Variants in GLIS1 observed in about 807,000 individuals in gnomAD.
The protein encoded by GLIS1 is zinc finger protein GLIS1.
Under a neutral mutation model 63.8 loss-of-function variants are expected in GLIS1, and 24 were observed. The ratio of observed to expected loss-of-function variants is 0.38; its 90% CI spans 0.27 to 0.53. The LOEUF is 0.53. Among genes scored for constraint, GLIS1 ranks in the 20% least tolerant of loss-of-function variants. The probability of loss-of-function intolerance (pLI) is 0.85; values close to 1 mark genes in which losing one functional copy is unlikely to be tolerated. For missense variants in GLIS1, 1,036 were observed against 1,074.1 expected (o/e 0.96, Z 0.50); for synonymous variants, 450 against 482.5 (o/e 0.93, Z 0.88).
chr1:53,706,365 T>C (rs1011973166), intron 2 of GLIS1, among the ~76,000 whole-genome samples: 2 of 152,188 alleles, frequency 1.3e-5, no homozygotes, highest in African/African-American at 2.4e-5. Flanking sequence ...ACACAGTAGG[T>C]GCTCAAAAAA....
At position 53,681,742 on chromosome 1, in the gene GLIS1, G is replaced by A. The variant is rs765912101; in HGVS notation, c.259+56064C>T. 5.3e-5 allele frequency among the ~76,000 whole-genome samples: 8 copies of A among 152,224 alleles called. No individual in the cohort carries two copies. In the East Asian group the frequency reaches 9.6e-4, roughly 18 times the overall value. On this transcript the variant is annotated intron_variant, in intron 2 of 10. Coordinates refer to ENST00000628545, the MANE Select transcript of GLIS1 (RefSeq NM_001367484.1). ...GAAGCCCCCACTTTGCTCTAGGTGCGTGGGACACAGGAGGACCTACCCTTA... is the reference window on the plus strand; with the variant it reads ...GAAGCCCCCACTTTGCTCTAGGTGCATGGGACACAGGAGGACCTACCCTTA...
rs1644229887 is a variant in GLIS1 at position 53,506,258 on chromosome 1, T to C, written c.*361A>G. 4.1e-6 allele frequency: 1 copy of C among 241,256 alleles called. No individual in the cohort carries two copies. Among genetic ancestry groups the C allele is most frequent in the South Asian group, 1.0e-4 (1 of 9,604 alleles). The allele number at this position is 241,256 out of a possible 1,614,324, so 14.9% of individuals were successfully genotyped here. A position where few individuals can be genotyped will look rare whatever the true frequency, so the allele number is the denominator to read the frequency against. On this transcript the variant is annotated 3_prime_UTR_variant, in exon 11 of 11. Transcript: ENST00000628545. ...CACATCTCCTTTCCAGTTTTTAATGTTTTTTCTTGTAAAACCAAAAATATA... is the reference window on the plus strand; with the variant it reads ...CACATCTCCTTTCCAGTTTTTAATGCTTTTTCTTGTAAAACCAAAAATATA...
intron 4 of GLIS1, among the ~76,000 whole-genome samples, chr1:53,557,764 T>C (rs1054099450): frequency 1.3e-5 from 2 of 152,216 alleles, no homozygotes; most frequent in African/African-American, 4.8e-5. Context: ...TAAATATATA[T>C]CTTCTTTTAA....
At chr1:53,548,754 A>C (rs555400927) in intron 4 of GLIS1, among the ~76,000 whole-genome samples, 7 of 152,344 alleles carry the variant, frequency 4.6e-5, no homozygotes, top group Admixed American at 2.0e-4. Flanking sequence ...CAATAAAGTC[A>C]GTTATTTTTT....
chr1:53,569,539 T>C (rs1460429256), intron 4 of GLIS1, among the ~76,000 whole-genome samples: 1 of 152,038 alleles, frequency 6.6e-6, no homozygotes, highest in Non-Finnish European at 1.5e-5. Context: ...ATAGGAGATA[T>C]TACACTTAAT....
rs377036374 is a variant in GLIS1 at position 53,509,919 on chromosome 1, G to A, written c.1992C>T (p.Pro664=). ...QSHSPGGQPF[P]TLPSKPSYPP... ...GGTAGGACGGCTTGCTGGGGAGTGTGGGGAAGGGCTGGCCCCCCGGAGAAT... is the reference window on the plus strand; with the variant it reads ...GGTAGGACGGCTTGCTGGGGAGTGTAGGGAAGGGCTGGCCCCCCGGAGAAT... Residue 664 remains proline, a synonymous_variant, in exon 9 of 11, where the codon CCC becomes CCT. Transcript: ENST00000628545. The A allele has an allele frequency of 6.0e-5, 78 of 1,306,876 alleles. No homozygotes were observed. The African/African-American group carries it at 1.1e-3, about 19-fold the overall frequency. The allele number at this position is 1,306,876 out of a possible 1,614,324, so 81.0% of individuals were successfully genotyped here.
intron 2 of GLIS1, among the ~76,000 whole-genome samples, chr1:53,632,918 GAA>G (rs1228553301): frequency 4.0e-5 from 6 of 149,006 alleles, no homozygotes; most frequent in South Asian, 2.2e-4. Context: ...TGAGAGGTGT[GAA>G]TGAGTGTGAC....
chr1:53,697,493 G>T (rs1646477884), intron 2 of GLIS1, among the ~76,000 whole-genome samples: 1 of 152,124 alleles, frequency 6.6e-6, no homozygotes, highest in Non-Finnish European at 1.5e-5. Context: ...TCTGTTCTGG[G>T]GCCTCCCCTT....
At chr1:53,669,864 A>T (rs973241690) in intron 2 of GLIS1, among the ~76,000 whole-genome samples, 1 of 152,208 alleles carries the variant, frequency 6.6e-6, no homozygotes, top group Admixed American at 6.5e-5. Flanking sequence ...TCATGCATCC[A>T]AGGATTCAGG....
At chr1:53,650,227 T>C (rs1645890725) in intron 2 of GLIS1, among the ~76,000 whole-genome samples, 1 of 152,208 alleles carries the variant, frequency 6.6e-6, no homozygotes, top group African/African-American at 2.4e-5. Context: ...CCAAAGGCAG[T>C]GACACAAACC....
intron 2 of GLIS1, among the ~76,000 whole-genome samples, chr1:53,676,265 A>C (rs1646211513): frequency 6.6e-6 from 1 of 152,214 alleles, no homozygotes; most frequent in South Asian, 2.1e-4. Flanking sequence ...GGAAAGACTC[A>C]TCAGGGAAGA....
At chr1:53,557,620 G>C (rs1230472356) in intron 4 of GLIS1, among the ~76,000 whole-genome samples, 1 of 152,192 alleles carries the variant, frequency 6.6e-6, no homozygotes, top group East Asian at 1.9e-4. Flanking sequence ...GACCTCATCA[G>C]GTAGGCCTTG....
chr1:53,527,653 G>A (rs1015540874), intron 5 of GLIS1, among the ~76,000 whole-genome samples: 8 of 152,240 alleles, frequency 5.3e-5, no homozygotes, highest in Non-Finnish European at 8.8e-5. Context: ...GACATGGCTG[G>A]TCCCCTCTGG....
intron 4 of GLIS1, among the ~76,000 whole-genome samples, chr1:53,581,269 G>A (rs1018503858): frequency 6.6e-6 from 1 of 152,154 alleles, no homozygotes; most frequent in Non-Finnish European, 1.5e-5. Flanking sequence ...TCCCAGCTAG[G>A]CTGACCCAGA....
At chr1:53,723,885 A>T (rs1036995559) in intron 2 of GLIS1, among the ~76,000 whole-genome samples, 6 of 152,198 alleles carry the variant, frequency 3.9e-5, no homozygotes, top group Non-Finnish European at 8.8e-5. Flanking sequence ...ATATTCTGCC[A>T]TTCCCGTTTA....
chr1:53,605,597 G>A (rs753073700), intron 2 of GLIS1, among the ~76,000 whole-genome samples: 19 of 152,124 alleles, frequency 1.2e-4, no homozygotes, highest in East Asian at 7.7e-4. Context: ...AGATGCTTTC[G>A]GTGCAATGAA....
rs920203684 is a variant in GLIS1, at chr1:53,539,957, C to T, written c.1321-10005G>A. Among the ~76,000 whole-genome samples the T allele has an allele frequency of 4.6e-5, 7 of 152,206 alleles. No individual in the cohort carries two copies. The highest frequency in any genetic ancestry group is 8.8e-5 in the Non-Finnish European group (6 of 68,032). Reference sequence around the variant, plus strand: ...CACAGGCCACACATTGCCGCCTCCACGCCTTTGCCCATGCGGTGTCCTCTG... The same window carrying T: ...CACAGGCCACACATTGCCGCCTCCATGCCTTTGCCCATGCGGTGTCCTCTG... On this transcript the variant is annotated intron_variant, in intron 4 of 10. Transcript: ENST00000628545. This position sits in a 1 kb window ranked among gnomAD's most constrained non-coding sequence, Gnocchi z 5.0.
At chr1:53,638,364 G>A (rs1439150305) in intron 2 of GLIS1, among the ~76,000 whole-genome samples, 2 of 151,072 alleles carry the variant, frequency 1.3e-5, no homozygotes, top group Non-Finnish European at 3.0e-5. Flanking sequence ...AAACCAAGCT[G>A]AGCAAAACAG....
intron 4 of GLIS1, among the ~76,000 whole-genome samples, chr1:53,559,851 C>CTT (rs1644868965): frequency 1.3e-5 from 2 of 152,114 alleles, no homozygotes; most frequent in South Asian, 4.2e-4. Flanking sequence ...TACACACACT[C>CTT]TATCACACAT....
Sources: allele counts gnomAD v4.1 joint callset (sites outside exome capture counted in the v4.1 genomes callset), GRCh38; gene constraint gnomAD v4.1.1; non-coding constraint Gnocchi (gnomAD v3.1); transcripts MANE v1.5; gene names NCBI Gene and HGNC (gene_info 2026-07-23, HGNC 2026-07-21).